The following ADK variants were observed in gnomAD, a reference collection of about 807,000 sequenced individuals.
The protein encoded by ADK is N6,N6-dimethyladenosine kinase.
In ADK, 24 loss-of-function variants were observed where a neutral mutation model predicts 44.7. That is an observed-to-expected ratio of 0.54 (90% confidence interval 0.39 to 0.76). ADK has a LOEUF of 0.76. Among genes scored for constraint, ADK ranks in the 30% least tolerant of loss-of-function variants. ADK has a pLI of 0.00. For missense variants in ADK, 321 were observed against 425.1 expected (o/e 0.76, Z 2.15); for synonymous variants, 128 against 142.6 (o/e 0.90, Z 0.73).
chr10:74,669,840 A>G (rs917503676), intron 9 of ADK, among the ~76,000 whole-genome samples: 4 of 152,104 alleles, frequency 2.6e-5, no homozygotes, highest in Non-Finnish European at 5.9e-5. Context: ...CCATGATCCA[A>G]TCCATACCAA....
intron 6 of ADK, among the ~76,000 whole-genome samples, chr10:74,415,686 A>G (rs1225580192): frequency 6.6e-6 from 1 of 152,068 alleles, no homozygotes; most frequent in Non-Finnish European, 1.5e-5. Flanking sequence ...TGCTACCATC[A>G]CTGTAATCTA....
chr10:74,346,265 CA>C (rs998349579), intron 4 of ADK, among the ~76,000 whole-genome samples: 2 of 151,300 alleles, frequency 1.3e-5, no homozygotes, highest in African/African-American at 2.4e-5. Flanking sequence ...ATATCATCAC[CA>C]AAAAAAGTAG....
chr10:74,548,260 ATCTT>A (rs1849909321), intron 7 of ADK, among the ~76,000 whole-genome samples: 1 of 152,154 alleles, frequency 6.6e-6, no homozygotes, highest in African/African-American at 2.4e-5. Flanking sequence ...TTGTAAATAA[ATCTT>A]TGTTGTAATT....
intron 1 of ADK, among the ~76,000 whole-genome samples, chr10:74,172,622 G>A (rs1842194476): frequency 6.7e-6 from 1 of 148,926 alleles, no homozygotes; most frequent in Non-Finnish European, 1.5e-5. Context: ...CTGGGAGGCA[G>A]AGGTTGCAGT....
At chr10:74,657,286 A>G (rs1240741115) in intron 9 of ADK, among the ~76,000 whole-genome samples, 1 of 152,230 alleles carries the variant, frequency 6.6e-6, no homozygotes, top group Non-Finnish European at 1.5e-5. Context: ...TGAAAGCACC[A>G]ATCAAATCAT....
At chr10:74,475,741 G>C (rs930760478) in intron 6 of ADK, among the ~76,000 whole-genome samples, 1 of 147,536 alleles carries the variant, frequency 6.8e-6, no homozygotes, top group African/African-American at 2.5e-5. Context: ...AGAGCGAAGA[G>C]AGAAAGAGAG....
Position 74,525,803 on chromosome 10 carries a change from T to A in ADK, c.726+377T>A, listed in dbSNP as rs370556302. Among the ~76,000 whole-genome samples the A allele has an allele frequency of 5.9e-5, 9 of 152,170 alleles. No individual in the cohort carries two copies. In the South Asian group the frequency reaches 1.9e-3, roughly 32 times the overall value. On this transcript the variant is annotated intron_variant, in intron 7 of 10. Coordinates refer to ENST00000539909, the MANE Select transcript of ADK (RefSeq NM_006721.4). ...CTAAGTAGCTGGGGTTATAGGCGCA[T>A]GCCACCATGCCCAGCTAAATTTTGT...
intron 3 of ADK, among the ~76,000 whole-genome samples, chr10:74,231,883 C>G (rs1908335): frequency 6.6e-6 from 1 of 151,696 alleles, no homozygotes; most frequent in Non-Finnish European, 1.5e-5. Context: ...TAAGAGTTAC[C>G]GTTTGTGCTT....
At chr10:74,507,563 C>G (rs1053538445) in intron 6 of ADK, among the ~76,000 whole-genome samples, 1 of 151,770 alleles carries the variant, frequency 6.6e-6, no homozygotes, top group Non-Finnish European at 1.5e-5. Context: ...TGCAGTGAGC[C>G]GAGATCGTGC....
intron 6 of ADK, among the ~76,000 whole-genome samples, chr10:74,494,868 G>GA (rs1044763982): frequency 3.0e-4 from 45 of 151,918 alleles, no homozygotes; most frequent in Admixed American, 3.9e-4. Context: ...AACTTTCTGA[G>GA]AAAAAATACA....
Position 74,351,616 on chromosome 10 carries a change from G to A in ADK, c.273+36871G>A, listed in dbSNP as rs867006953. On this transcript the variant is annotated intron_variant, in intron 4 of 10. Coordinates refer to ENST00000539909, the MANE Select transcript of ADK (RefSeq NM_006721.4). Reference sequence around the variant, plus strand: ...TAAAGCGTATTTAAATAGGAATAGAGGAAGTCAGATTGTCTCTGTTTGCAG... The same window carrying A: ...TAAAGCGTATTTAAATAGGAATAGAAGAAGTCAGATTGTCTCTGTTTGCAG... 7.9e-5 allele frequency among the ~76,000 whole-genome samples: 12 copies of A among 152,252 alleles called. No homozygotes were observed. In the East Asian group the frequency reaches 9.6e-4, roughly 12 times the overall value.
At chr10:74,431,572 C>G (rs1462239675) in intron 6 of ADK, among the ~76,000 whole-genome samples, 1 of 152,144 alleles carries the variant, frequency 6.6e-6, no homozygotes, top group Admixed American at 6.5e-5. Flanking sequence ...GAAATCTTAT[C>G]TCCACTAAAA....
chr10:74,302,090 GT>G (rs68179517), intron 3 of ADK, among the ~76,000 whole-genome samples: 6 of 17,030 alleles, frequency 3.5e-4, no homozygotes, highest in Non-Finnish European at 6.5e-4. Context: ...TTTCTTTTCT[GT>G]TTTTTTTTTG....
intron 6 of ADK, among the ~76,000 whole-genome samples, chr10:74,478,792 G>A (rs985812948): frequency 2.0e-5 from 3 of 152,062 alleles, no homozygotes; most frequent in African/African-American, 7.2e-5. Flanking sequence ...AATTAATAAG[G>A]TCAGAATTCA....
At chr10:74,217,979 A>G in intron 2 of ADK, among the ~76,000 whole-genome samples, 1 of 152,230 alleles carries the variant, frequency 6.6e-6, no homozygotes, top group Non-Finnish European at 1.5e-5. Context: ...CCTCCTCCAA[A>G]GGATCGCAGT....
chr10:74,379,184 C>G (rs1842908323), intron 4 of ADK, among the ~76,000 whole-genome samples: 1 of 152,092 alleles, frequency 6.6e-6, no homozygotes, highest in South Asian at 2.1e-4. Flanking sequence ...AAAAGGACAG[C>G]TCTATGTGCG....
chr10:74,189,940 A>G (rs1311146560), intron 1 of ADK, among the ~76,000 whole-genome samples: 1 of 151,850 alleles, frequency 6.6e-6, no homozygotes, highest in Non-Finnish European at 1.5e-5. Flanking sequence ...ATTCTTTCTT[A>G]TGACTGAAAT....
At chr10:74,195,129 C>G (rs1843082384) in intron 1 of ADK, among the ~76,000 whole-genome samples, 1 of 151,414 alleles carries the variant, frequency 6.6e-6, no homozygotes, top group South Asian at 2.1e-4. Context: ...ATCCTAGCAT[C>G]CATTCCAAGA....
intron 1 of ADK, among the ~76,000 whole-genome samples, chr10:74,189,854 C>T (rs939454225): frequency 1.4e-4 from 22 of 151,928 alleles, no homozygotes; most frequent in African/African-American, 5.3e-4. Flanking sequence ...AATATTTGGC[C>T]TTTTGTAGCT....
Sources: allele counts gnomAD v4.1 joint callset (sites outside exome capture counted in the v4.1 genomes callset), GRCh38; gene constraint gnomAD v4.1.1; transcripts MANE v1.5; gene names NCBI Gene and HGNC (gene_info 2026-07-23, HGNC 2026-07-21).